Variants in RABGAP1L observed in about 807,000 individuals in gnomAD.
RABGAP1L encodes RAB GTPase activating protein 1 like, also known as rab GTPase-activating protein 1-like.
A neutral mutation model predicts 137.7 loss-of-function variants in RABGAP1L; 63 were observed. The observed-to-expected ratio is 0.46, with a 90% CI of 0.37 to 0.56. RABGAP1L has a LOEUF of 0.56. Among genes scored for constraint, RABGAP1L ranks in the 20% least tolerant of loss-of-function variants. The pLI is 0.00. For synonymous variants in RABGAP1L, 431 were observed against 433.7 expected (o/e 0.99, Z 0.08); for missense variants, 1,095 against 1,244.0 (o/e 0.88, Z 1.80).
At position 174,993,402 on chromosome 1, in the gene RABGAP1L, T is replaced by C. The variant is rs913867243; in HGVS notation, c.*3401T>C. 1.4e-5 allele frequency: 2 copies of C among 147,494 alleles called. No homozygotes were observed. Among genetic ancestry groups the C allele is most frequent in the Non-Finnish European group, 2.9e-5 (2 of 68,032 alleles). The allele number at this position is 147,494 out of a possible 1,614,324, so 9.1% of individuals were successfully genotyped here. ...ATTTAATAGTATGTATCTTGTTTCA[T>C]TTTTTTCCTATGATGTATTAATATT... On this transcript the variant is annotated 3_prime_UTR_variant, in exon 26 of 26. Transcript: ENST00000681986.
At chr1:174,436,459 A>C (rs1380445317) in intron 13 of RABGAP1L, among the ~76,000 whole-genome samples, 1 of 152,112 alleles carries the variant, frequency 6.6e-6, no homozygotes, top group African/African-American at 2.4e-5. Context: ...TCTTCTTTTG[A>C]GAAGTGTCTG....
chr1:174,316,542 T>A (rs1679392075), intron 11 of RABGAP1L, among the ~76,000 whole-genome samples: 1 of 152,200 alleles, frequency 6.6e-6, no homozygotes, highest in African/African-American at 2.4e-5. Flanking sequence ...TTCTCTGGAT[T>A]ACCATGCAGA....
intron 20 of RABGAP1L, among the ~76,000 whole-genome samples, chr1:174,960,988 T>A (rs1047919454): frequency 1.3e-5 from 2 of 152,232 alleles, no homozygotes; most frequent in Admixed American, 6.5e-5. Context: ...TATTTTAAAC[T>A]CAGTGAACAC....
intron 12 of RABGAP1L, among the ~76,000 whole-genome samples, chr1:174,386,453 CT>C (rs1030160352): frequency 6.6e-6 from 1 of 151,674 alleles, no homozygotes; most frequent in African/African-American, 2.4e-5. Context: ...CTAAACCACT[CT>C]GGTTTTAGAG....
chr1:174,242,326 A>G (rs1446457455), intron 5 of RABGAP1L, among the ~76,000 whole-genome samples: 1 of 152,234 alleles, frequency 6.6e-6, no homozygotes, highest in Non-Finnish European at 1.5e-5. Flanking sequence ...AATCTTTTCT[A>G]CATCTATTGA....
chr1:174,665,418 T>TGCCTC (rs1676713620), intron 14 of RABGAP1L, among the ~76,000 whole-genome samples: 2 of 150,860 alleles, frequency 1.3e-5, no homozygotes, highest in African/African-American at 2.5e-5. Flanking sequence ...CTTTCTTGTC[T>TGCCTC]GCCTCGCCTC....
At chr1:174,672,102 A>T (rs928378196) in intron 14 of RABGAP1L, among the ~76,000 whole-genome samples, 5 of 151,998 alleles carry the variant, frequency 3.3e-5, no homozygotes, top group African/African-American at 1.2e-4. Flanking sequence ...AAGTTATCTA[A>T]TTCGTTGGCA....
chr1:174,437,265 T>G (rs1653482498), intron 13 of RABGAP1L, among the ~76,000 whole-genome samples: 1 of 152,046 alleles, frequency 6.6e-6, no homozygotes, highest in African/African-American at 2.4e-5. Context: ...AAGATCAAAC[T>G]ACTCCGAGCT....
intron 4 of RABGAP1L, among the ~76,000 whole-genome samples, chr1:174,237,982 T>A (rs1009551673): frequency 4.6e-5 from 7 of 151,184 alleles, no homozygotes; most frequent in African/African-American, 1.7e-4. Flanking sequence ...TTTTATTCTT[T>A]TTTCTCTAAA....
Position 174,241,532 on chromosome 1 carries a change from A to G in RABGAP1L, c.592A>G (p.Lys198Glu), listed in dbSNP as rs771611825. 11 of 1,610,890 alleles carry G rather than the reference A, an allele frequency of 6.8e-6. No homozygotes were observed. Among genetic ancestry groups the G allele is most frequent in the Admixed American group, 1.7e-5 (1 of 59,630 alleles). ...NVEIASFPIYKVLFCARGHDG... is the reference protein window; with the variant it reads ...NVEIASFPIYEVLFCARGHDG... ...GGAGATAGCATCTTTTCCAATCTAT[A>G]AGGTGTTATTCTGTGCACGTGGACA... Residue 198 changes from lysine (K) to glutamate (E), a missense_variant, in exon 5 of 26, where the codon AAG becomes GAG. By Grantham distance (56) the Lys-to-Glu change is moderately conservative. Around this residue, in one of 4 missense-constraint regions of RABGAP1L, gnomAD observed 356 missense variants for 326.3 expected, o/e 1.09. Transcript: ENST00000681986.
intron 22 of RABGAP1L, among the ~76,000 whole-genome samples, 156 bp downstream of exon 22, chr1:174,976,338 A>C (rs565273218): frequency 6.6e-6 from 1 of 152,302 alleles, no homozygotes; most frequent in South Asian, 2.1e-4. Flanking sequence ...ATTTTTGTTC[A>C]ACATTTCTGA....
At chr1:174,349,399 G>A (rs1266232016) in intron 11 of RABGAP1L, among the ~76,000 whole-genome samples, 2 of 138,540 alleles carry the variant, frequency 1.4e-5, no homozygotes, top group Admixed American at 1.4e-4. Context: ...CGGCTGGCCG[G>A]GTGGGGGGCT....
chr1:174,187,936 T>C (rs1666929376), intron 1 of RABGAP1L, among the ~76,000 whole-genome samples: 1 of 152,128 alleles, frequency 6.6e-6, no homozygotes, highest in African/African-American at 2.4e-5. Context: ...ACTAATATAC[T>C]ATAATTCTGA....
intron 13 of RABGAP1L, among the ~76,000 whole-genome samples, chr1:174,607,562 G>A (rs541979256): frequency 1.3e-5 from 2 of 152,180 alleles, no homozygotes; most frequent in South Asian, 2.1e-4. Context: ...CTCAAAATCA[G>A]CCACCACTCC....
chr1:174,701,132 G>C, intron 16 of RABGAP1L: 1 of 1,304,462 alleles, frequency 7.7e-7, no homozygotes, highest in Non-Finnish European at 1.0e-6. Context: ...GGTGGCCTTT[G>C]TCTTTCAGTT....
rs915465782 is a variant in RABGAP1L at position 174,449,001 on chromosome 1, C to G, written c.1710+54856C>G. The G allele has an allele frequency of 5.6e-6, 9 of 1,613,282 alleles. No homozygotes were observed. Among genetic ancestry groups the G allele is most frequent in the Non-Finnish European group, 7.6e-6 (9 of 1,179,238 alleles). Reference sequence around the variant, plus strand: ...AGCTCCCGGGTCTTGGACAATCCAACTCTGTCCTTCTTAACAACCTGGCTT... The same window carrying G: ...AGCTCCCGGGTCTTGGACAATCCAAGTCTGTCCTTCTTAACAACCTGGCTT... On this transcript the variant is annotated intron_variant, in intron 13 of 25. Transcript: ENST00000681986.
At chr1:174,421,542 A>AT (rs1375736914) in intron 13 of RABGAP1L, among the ~76,000 whole-genome samples, 3 of 152,124 alleles carry the variant, frequency 2.0e-5, no homozygotes, top group Admixed American at 6.5e-5. Flanking sequence ...GCCTGAAATA[A>AT]TTTTTTTAGC....
At chr1:174,604,666 A>G (rs2148184938) in intron 13 of RABGAP1L, among the ~76,000 whole-genome samples, 1 of 152,284 alleles carries the variant, frequency 6.6e-6, no homozygotes, top group Middle Eastern at 3.4e-3. Context: ...TGATGATACC[A>G]GTCATTTAGT....
At chr1:174,301,094 G>T (rs1015492943) in intron 10 of RABGAP1L, among the ~76,000 whole-genome samples, 1 of 152,044 alleles carries the variant, frequency 6.6e-6, no homozygotes, top group East Asian at 1.9e-4. Flanking sequence ...CGGCCACTGT[G>T]ACTGTGTATT....
Sources: gnomAD v4.1 joint callset for allele counts (sites outside exome capture counted in the v4.1 genomes callset) on GRCh38, gnomAD v4.1.1 for gene constraint, gnomAD v4.1.1 regional missense constraint, MANE v1.5 for transcripts, NCBI Gene and HGNC (gene_info 2026-07-23, HGNC 2026-07-21) for gene names.